The following AGK variants were observed in gnomAD, a reference collection of about 807,000 sequenced individuals.
The protein encoded by AGK is acylglycerol kinase, also known as acylglycerol kinase, mitochondrial.
Under a neutral mutation model 66.4 loss-of-function variants are expected in AGK, and 52 were observed. The ratio of observed to expected loss-of-function variants is 0.78; its 90% CI spans 0.63 to 0.99. The LOEUF (loss-of-function observed/expected upper bound fraction) is 0.99. Ranked by LOEUF, AGK falls within the 50% of genes least tolerant of loss-of-function variation. The probability of loss-of-function intolerance (pLI) is 0.00; values close to 1 mark genes in which losing one functional copy is unlikely to be tolerated. For synonymous variants in AGK, 182 were observed against 181.1 expected, an observed-to-expected ratio of 1.00 and a Z score of -0.04; for missense variants, 451 against 506.6, an observed-to-expected ratio of 0.89 and a Z score of 1.05.
Position 141,593,145 on chromosome 7 carries a change from G to C in AGK, c.102-1G>C. The C allele has an allele frequency of 6.2e-7, 1 of 1,611,012 alleles. No individual in the cohort carries two copies. Among genetic ancestry groups the C allele is most frequent in the South Asian group, 1.1e-5 (1 of 90,972 alleles). On this transcript the variant is annotated splice_acceptor_variant, in intron 2 of 15. Coordinates refer to ENST00000649286, the MANE Select transcript of AGK (RefSeq NM_018238.4). LOFTEE classifies it high-confidence loss of function. ...TTATTCTCTTTTGCTTACTTTGATAGTGATAACCTCCTAAGGAGAGCAGCC... is the reference window on the plus strand; with the variant it reads ...TTATTCTCTTTTGCTTACTTTGATACTGATAACCTCCTAAGGAGAGCAGCC...
At chr7:141,651,042 G>A (rs1259881631) in intron 14 of AGK, among the ~76,000 whole-genome samples, 1 of 152,160 alleles carries the variant, frequency 6.6e-6, no homozygotes, top group African/African-American at 2.4e-5. Context: ...ACGGGAGTGG[G>A]ACCCACAGAT....
chr7:141,654,226 G>C lies in AGK; in HGVS notation c.*1302G>C, dbSNP rs1797634655. 1 of 151,990 alleles carries C rather than the reference G, an allele frequency of 6.6e-6. No homozygotes were observed. The highest frequency in any genetic ancestry group is 2.1e-4 in the South Asian group (1 of 4,818). The allele number at this position is 151,990 out of a possible 1,614,324, so 9.4% of individuals were successfully genotyped here. On this transcript the variant is annotated 3_prime_UTR_variant, in exon 16 of 16. Transcript: ENST00000649286. Reference sequence around the variant, plus strand: ...TTAATTATTGGTATATAATGAAAACGGTATTAATTCTTGGATGATTAAAAG... The same window carrying C: ...TTAATTATTGGTATATAATGAAAACCGTATTAATTCTTGGATGATTAAAAG...
intron 9 of AGK, among the ~76,000 whole-genome samples, chr7:141,631,065 C>T (rs1367538366): frequency 2.0e-5 from 3 of 152,068 alleles, no homozygotes; most frequent in Admixed American, 1.3e-4. Flanking sequence ...TTGTGAAATT[C>T]CAGTGAGGGT....
intron 3 of AGK, among the ~76,000 whole-genome samples, chr7:141,595,576 T>C (rs1021174928): frequency 6.6e-6 from 1 of 152,172 alleles, no homozygotes; most frequent in African/African-American, 2.4e-5. Flanking sequence ...ATAAAAAATA[T>C]TTGCATTACT....
intron 4 of AGK, among the ~76,000 whole-genome samples, chr7:141,597,506 T>C (rs1056562092): frequency 6.6e-6 from 1 of 151,764 alleles, no homozygotes; most frequent in Non-Finnish European, 1.5e-5. Flanking sequence ...AATTAAAGGG[T>C]TGAGTGTTAA....
At position 141,601,231 on chromosome 7, in the gene AGK, A is replaced by G. The variant is rs1296079140; in HGVS notation, c.248A>G (p.Asn83Ser). The G allele has an allele frequency of 1.9e-6, 3 of 1,612,960 alleles. No homozygotes were observed. The highest frequency in any genetic ancestry group is 2.7e-5 in the African/African-American group (2 of 74,884). The change falls in exon 5 of 16, where the codon AAT (asparagine) becomes AGT (serine). Residue 83 changes from asparagine to serine, a missense_variant. Coordinates refer to ENST00000649286, the MANE Select transcript of AGK (RefSeq NM_018238.4). Reference sequence around the variant, plus strand: ...AAAGCCAGGACTCTATTTGAAAAAAATGCTGCCCCGATTTTACATTTATCT... The same window carrying G: ...AAAGCCAGGACTCTATTTGAAAAAAGTGCTGCCCCGATTTTACATTTATCT... ...KGKARTLFEK[N>S]AAPILHLSGM...
chr7:141,639,246 G>A (rs1487208824), intron 11 of AGK, among the ~76,000 whole-genome samples: 1 of 152,200 alleles, frequency 6.6e-6, no homozygotes, highest in African/African-American at 2.4e-5. Context: ...AAATAAAAGT[G>A]ATGTAAAGAA....
intron 2 of AGK, among the ~76,000 whole-genome samples, chr7:141,567,681 C>A (rs1488947407): frequency 6.6e-6 from 1 of 152,218 alleles, no homozygotes; most frequent in Non-Finnish European, 1.5e-5. Context: ...TTTTACCAAG[C>A]TTTCCAGCTT....
At chr7:141,567,685 C>G (rs1795501906) in intron 2 of AGK, among the ~76,000 whole-genome samples, 1 of 152,200 alleles carries the variant, frequency 6.6e-6, no homozygotes, top group Admixed American at 6.5e-5. Context: ...ACCAAGCTTT[C>G]CAGCTTCCCT....
chr7:141,636,942 A>C lies in AGK; in HGVS notation c.669-18A>C, dbSNP rs780040985. ...CTTTTGATATTCTTATCAGATTTTTATCTTGGTCTTTTCACAGGTACTGGT... is the reference window on the plus strand; with the variant it reads ...CTTTTGATATTCTTATCAGATTTTTCTCTTGGTCTTTTCACAGGTACTGGT... On this transcript the variant is annotated intron_variant, in intron 10 of 15. Transcript: ENST00000649286. 1 of 1,605,140 alleles carries C rather than the reference A, an allele frequency of 6.2e-7. No individual in the cohort carries two copies. Among genetic ancestry groups the C allele is most frequent in the Non-Finnish European group, 8.5e-7 (1 of 1,174,326 alleles).
chr7:141,619,395 C>A (rs1796776464), intron 8 of AGK, among the ~76,000 whole-genome samples: 1 of 151,884 alleles, frequency 6.6e-6, no homozygotes, highest in Admixed American at 6.6e-5. Context: ...CACATATGGA[C>A]AATTGATTTT....
At chr7:141,587,198 C>G (rs1796011843) in intron 2 of AGK, among the ~76,000 whole-genome samples, 1 of 152,162 alleles carries the variant, frequency 6.6e-6, no homozygotes, top group Admixed American at 6.6e-5. Context: ...TTCCCACCAG[C>G]CATCCCTCAA....
At chr7:141,650,180 T>C (rs1428958969) in intron 14 of AGK, among the ~76,000 whole-genome samples, 2 of 152,240 alleles carry the variant, frequency 1.3e-5, no homozygotes, top group Admixed American at 1.3e-4. Context: ...CACATAAGTT[T>C]GTTGTTCTTG....
intron 2 of AGK, among the ~76,000 whole-genome samples, chr7:141,583,861 A>C (rs1319644373): frequency 1.3e-5 from 2 of 151,942 alleles, no homozygotes; most frequent in Non-Finnish European, 2.9e-5. Context: ...GGATAGTGAG[A>C]GAGGTTGGAG....
intron 2 of AGK, among the ~76,000 whole-genome samples, chr7:141,587,593 A>G (rs953736665): frequency 6.6e-5 from 10 of 152,160 alleles, no homozygotes; most frequent in Non-Finnish European, 5.9e-5. Flanking sequence ...ACGCTTTGAC[A>G]TGCTGTTTCT....
intron 2 of AGK, among the ~76,000 whole-genome samples, chr7:141,582,061 C>T (rs529878990): frequency 9.9e-5 from 15 of 152,058 alleles, no homozygotes; most frequent in South Asian, 4.2e-4. Context: ...AAGAAGCTTC[C>T]GAGGCAACTG....
At chr7:141,641,989 T>C in intron 13 of AGK, 81 bp downstream of exon 13, 1 of 1,179,474 alleles carries the variant, frequency 8.5e-7, no homozygotes, top group Non-Finnish European at 1.2e-6. Context: ...ACTAATTCAG[T>C]TATTTTTATT....
At chr7:141,560,998 T>C (rs556589889) in intron 2 of AGK, among the ~76,000 whole-genome samples, 2 of 152,278 alleles carry the variant, frequency 1.3e-5, no homozygotes, top group Non-Finnish European at 2.9e-5. Flanking sequence ...TTTCATCGTG[T>C]TAGCCAGGAT....
intron 2 of AGK, among the ~76,000 whole-genome samples, chr7:141,562,501 A>G (rs1299144494): frequency 6.6e-6 from 1 of 152,180 alleles, no homozygotes; most frequent in African/African-American, 2.4e-5. Context: ...GTCTGAGCTA[A>G]GACTCTCCTT....
Sources: allele counts gnomAD v4.1 joint callset (sites outside exome capture counted in the v4.1 genomes callset), GRCh38; gene constraint gnomAD v4.1.1; transcripts MANE v1.5; gene names NCBI Gene and HGNC (gene_info 2026-07-23, HGNC 2026-07-21).